The following MRPL47 variants were observed in gnomAD, a reference collection of about 807,000 sequenced individuals.
The protein encoded by MRPL47 is mitochondrial ribosomal protein L47.
A neutral mutation model predicts 34.0 loss-of-function variants in MRPL47; 31 were observed. The ratio of observed to expected loss-of-function variants is 0.91; its 90% confidence interval spans 0.68 to 1.23. The LOEUF is 1.23. Among genes scored for constraint, MRPL47 ranks in the 50% most tolerant of loss-of-function variants. MRPL47 has a pLI of 0.00. For synonymous variants in MRPL47, 106 were observed against 101.6 expected (o/e 1.04, Z -0.26); for missense variants, 328 against 285.8 (o/e 1.15, Z -1.07).
chr3:179,588,984 T>C lies in MRPL47; in HGVS notation c.641A>G (p.Glu214Gly), dbSNP rs768016074. ...CCGTGCTTTGATGCGGGCTCGTTTC[T>C]CACGTTCCAGTCTAGAATAAAAAAA... ...YVDHFLRLER[E>G]KRARIKARKE... The change falls in exon 7 of 7, where the codon GAG becomes GGG. Residue 214 changes from glutamate to glycine, a missense_variant. Physicochemically the swap from Glu to Gly is moderately conservative, Grantham distance 98 (BLOSUM62 -2). Coordinates refer to ENST00000476781, the MANE Select transcript of MRPL47 (RefSeq NM_020409.3). 5.0e-6 allele frequency: 8 copies of C among 1,611,792 alleles called. No individual in the cohort carries two copies. In the East Asian group the frequency reaches 1.8e-4, roughly 36 times the overall value.
In MRPL47 at chr3:179,598,063, T is replaced by A. The variant is rs575239490; in HGVS notation, c.402+612A>T. Among the ~76,000 whole-genome samples the A allele has an allele frequency of 2.0e-5, 3 of 152,282 alleles. No homozygotes were observed. In the South Asian group the frequency reaches 6.2e-4, roughly 32 times the overall value. ...TCTTAAAATGCTAAATATAGATTTA[T>A]CATATAAGCCAGCAATTTCACTCCT... On this transcript the variant is annotated intron_variant, in intron 4 of 6. Transcript: ENST00000476781.
chr3:179,595,835 G>A (rs938611792), intron 4 of MRPL47, among the ~76,000 whole-genome samples: 2 of 152,186 alleles, frequency 1.3e-5, no homozygotes, highest in African/African-American at 4.8e-5. Flanking sequence ...TGCCAGGAGC[G>A]TCAGTTGAGA....
intron 6 of MRPL47, among the ~76,000 whole-genome samples, chr3:179,589,555 A>G (rs373925256): frequency 1.0e-3 from 157 of 152,342 alleles, no homozygotes; most frequent in African/African-American, 3.5e-3. Flanking sequence ...TGAAAATGAA[A>G]AAAATCCTTG....
Position 179,592,694 on chromosome 3 carries a change from T to C in MRPL47, c.579A>G (p.Arg193=). Reference sequence around the variant, plus strand: ...AGGCAAAGAATCGTTTCCTATTGTATCTTTTATTTAGGTGCCAAGGTATAA... The same window carrying C: ...AGGCAAAGAATCGTTTCCTATTGTACCTTTTATTTAGGTGCCAAGGTATAA... The part of the protein sequence containing the change: ...QWVIPWHLNK[R]YNRKRFFALP... The change falls in exon 6 of 7, where the codon AGA becomes AGG. Residue 193 remains arginine (R), a synonymous_variant. Transcript: ENST00000476781. The C allele has an allele frequency of 6.2e-7, 1 of 1,614,062 alleles. No homozygotes were observed. The highest frequency in any genetic ancestry group is 8.5e-7 in the Non-Finnish European group (1 of 1,179,948).
chr3:179,595,227 T>C (rs954886384), intron 4 of MRPL47, among the ~76,000 whole-genome samples: 4 of 152,096 alleles, frequency 2.6e-5, no homozygotes, highest in Non-Finnish European at 2.9e-5. Context: ...TGTATTTTTT[T>C]GGTAGAGACA....
chr3:179,589,399 AAT>A (rs1251867286), intron 6 of MRPL47, among the ~76,000 whole-genome samples: 3 of 152,204 alleles, frequency 2.0e-5, no homozygotes, highest in Non-Finnish European at 2.9e-5. Flanking sequence ...TGATGCCAAA[AAT>A]AAATTCTTAG....
At chr3:179,599,167 CAAA>C (rs765240584) in intron 3 of MRPL47, among the ~76,000 whole-genome samples, 1 of 116,288 alleles carries the variant, frequency 8.6e-6, no homozygotes. Flanking sequence ...GATCTTGCTT[CAAA>C]AAAAAAAAAA....
At position 179,593,860 on chromosome 3, in the gene MRPL47, G is replaced by T. The variant is rs1029596041; in HGVS notation, c.438C>A (p.Val146=). 15 of 1,613,024 alleles carry T rather than the reference G, an allele frequency of 9.3e-6. No homozygotes were observed. Among genetic ancestry groups the T allele is most frequent in the African/African-American group, 2.7e-5 (2 of 74,826 alleles). ...GCCTTAGGGCATCTTCTCTTTCCTG[G>T]ACAACTTTATCTAATGCATCCATGG... is the stretch of plus-strand genomic sequence containing the variant. ...VDSMDALDKV[V]QEREDALRLL... Residue 146 remains valine (V), a synonymous_variant, in exon 5 of 7, where the codon GTC becomes GTA. Coordinates refer to ENST00000476781, the MANE Select transcript of MRPL47 (RefSeq NM_020409.3).
chr3:179,598,714 C>A lies in MRPL47; in HGVS notation c.363G>T (p.Arg121=), dbSNP rs1261915352. 2 of 1,613,074 alleles carry A rather than the reference C, an allele frequency of 1.2e-6. No individual in the cohort carries two copies. Among genetic ancestry groups the A allele is most frequent in the African/African-American group, 1.3e-5 (1 of 74,896 alleles). ...MLLTLEQEAK[R]QRLPMPSPER... ...CTGGACTTGGCATTGGCAATCTCTGCCGCTTGGCCTCCTGCTCTAGGGTTA... is the reference window on the plus strand; with the variant it reads ...CTGGACTTGGCATTGGCAATCTCTGACGCTTGGCCTCCTGCTCTAGGGTTA... The change falls in exon 4 of 7, where the codon CGG becomes CGT. Residue 121 remains arginine (R), a synonymous_variant. Coordinates refer to ENST00000476781, the MANE Select transcript of MRPL47 (RefSeq NM_020409.3).
chr3:179,598,265 T>C (rs1237241337), intron 4 of MRPL47, among the ~76,000 whole-genome samples: 1 of 151,942 alleles, frequency 6.6e-6, no homozygotes, highest in Non-Finnish European at 1.5e-5. Context: ...TATGTGCCTG[T>C]AATCCCAGCA....
chr3:179,590,714 GTC>G (rs1718655572), intron 6 of MRPL47, among the ~76,000 whole-genome samples: 1 of 148,256 alleles, frequency 6.7e-6, no homozygotes, highest in Non-Finnish European at 1.5e-5. Flanking sequence ...AAAAAAAAAA[GTC>G]TTGAGGAAAA....
In MRPL47 at chr3:179,593,945, T is replaced by C. The variant is rs1718734160; in HGVS notation, c.403-50A>G. On this transcript the variant is annotated intron_variant, in intron 4 of 6. Transcript: ENST00000476781. ...ATTTCAACAATCATCTACTACAAAATTCCCAAAAAAGAGAATGTATAAACA... is the reference window on the plus strand; with the variant it reads ...ATTTCAACAATCATCTACTACAAAACTCCCAAAAAAGAGAATGTATAAACA... The C allele has an allele frequency of 1.9e-6, 3 of 1,553,978 alleles. No homozygotes were observed. In the African/African-American group the frequency reaches 4.1e-5, roughly 21 times the overall value.
rs112848372 is a variant in MRPL47 at position 179,592,691 on chromosome 3, G to A, written c.582C>T (p.Tyr194=). 6.2e-7 allele frequency: 1 copy of A among 1,613,882 alleles called. No individual in the cohort carries two copies. Among genetic ancestry groups the A allele is most frequent in the Non-Finnish European group, 8.5e-7 (1 of 1,179,866 alleles). Residue 194 remains tyrosine (Y), a synonymous_variant, in exon 6 of 7, where the codon TAC becomes TAT. Coordinates refer to ENST00000476781, the MANE Select transcript of MRPL47 (RefSeq NM_020409.3). ...GCAAGGCAAAGAATCGTTTCCTATT[G>A]TATCTTTTATTTAGGTGCCAAGGTA... ...WVIPWHLNKR[Y]NRKRFFALPY... is the part of the protein sequence containing the mutation.
intron 6 of MRPL47, 124 bp from the exon 7 acceptor site, chr3:179,589,119 G>GTT: frequency 1.1e-6 from 1 of 912,160 alleles, no homozygotes; most frequent in South Asian, 1.9e-5. Flanking sequence ...TATTTGGTGT[G>GTT]TTATATATAT....
chr3:179,599,025 C>T lies in MRPL47; in HGVS notation c.306-254G>A, dbSNP rs138842721. 4.6e-4 allele frequency among the ~76,000 whole-genome samples: 70 copies of T among 151,912 alleles called. No individual in the cohort carries two copies. In the East Asian group the frequency reaches 0.012, roughly 26 times the overall value. ...ACAAAAAATAAAAAATATAATTAGCCGGGCATGGCAGCACACACCTGTAGC... is the reference window on the plus strand; with the variant it reads ...ACAAAAAATAAAAAATATAATTAGCTGGGCATGGCAGCACACACCTGTAGC... On this transcript the variant is annotated intron_variant, in intron 3 of 6. Coordinates refer to ENST00000476781, the MANE Select transcript of MRPL47 (RefSeq NM_020409.3).
intron 1 of MRPL47, among the ~76,000 whole-genome samples, chr3:179,603,292 T>C (rs968477717): frequency 3.3e-5 from 5 of 152,042 alleles, no homozygotes; most frequent in Non-Finnish European, 5.9e-5. Flanking sequence ...ATCCCAGAAA[T>C]TTGGAAGGCC....
intron 3 of MRPL47, among the ~76,000 whole-genome samples, chr3:179,600,370 G>A (rs1483230941): frequency 1.3e-5 from 2 of 152,132 alleles, no homozygotes; most frequent in Non-Finnish European, 2.9e-5. Context: ...GCTGGGCACG[G>A]TGGCTCATGC....
At chr3:179,592,944 A>C (rs1284229416) in intron 5 of MRPL47, among the ~76,000 whole-genome samples, 1 of 152,212 alleles carries the variant, frequency 6.6e-6, no homozygotes, top group Admixed American at 6.5e-5. Flanking sequence ...GTTATGAGTT[A>C]AGTGGTATAA....
intron 1 of MRPL47, among the ~76,000 whole-genome samples, chr3:179,603,628 A>G (rs896762154): frequency 6.6e-6 from 1 of 152,216 alleles, no homozygotes; most frequent in African/African-American, 2.4e-5. Flanking sequence ...TTCTGCATCT[A>G]GAAGTTTCAA....
Sources: gnomAD v4.1 joint callset for allele counts (sites outside exome capture counted in the v4.1 genomes callset) on GRCh38, gnomAD v4.1.1 for gene constraint, MANE v1.5 for transcripts, NCBI Gene and HGNC (gene_info 2026-07-23, HGNC 2026-07-21) for gene names.